Variants in YIPF5 observed in about 807,000 individuals in gnomAD.
The protein encoded by YIPF5 is Yip1 domain family member 5.
YIPF5 carries 8 observed loss-of-function variants against 30.4 expected under a neutral mutation model. The ratio of observed to expected loss-of-function variants is 0.26; its 90% CI spans 0.15 to 0.47. The LOEUF is 0.47. Among genes scored for constraint, YIPF5 ranks in the 20% least tolerant of loss-of-function variants. The probability of loss-of-function intolerance (pLI) is 0.99; values close to 1 mark genes in which losing one functional copy is unlikely to be tolerated. For synonymous variants in YIPF5, 104 were observed against 107.9 expected, an observed-to-expected ratio of 0.96 and a Z score of 0.23; for missense variants, 282 against 301.8, an observed-to-expected ratio of 0.93 and a Z score of 0.49.
chr5:144,164,017 G>C, intron 4 of YIPF5, 94 bp downstream of exon 4: 1 of 1,495,428 alleles, frequency 6.7e-7, no homozygotes, highest in Non-Finnish European at 9.1e-7. Flanking sequence ...GACTTGAGGT[G>C]TAAAGCGGAG....
intron 1 of YIPF5, 180 bp downstream of exon 1, chr5:144,170,355 A>G (rs780629019): frequency 2.5e-5 from 5 of 196,702 alleles, no homozygotes; most frequent in Non-Finnish European, 5.3e-5. Context: ...CTGCCAGGAA[A>G]AAGTGCAGAA....
At position 144,165,588 on chromosome 5, in the gene YIPF5, C is replaced by A; in HGVS notation, c.127G>T (p.Asp43Tyr). ...ACAAATCTGCCTTGCTGCGAATAGTCATAGCCAGCATACTGTCTATAAATG... is the reference window on the plus strand; with the variant it reads ...ACAAATCTGCCTTGCTGCGAATAGTAATAGCCAGCATACTGTCTATAAATG... ...GPYSKQYAGY[D>Y]YSQQGRFVPP... The change falls in exon 3 of 6, where the codon GAC becomes TAC. Residue 43 changes from aspartate (D) to tyrosine (Y), a missense_variant. Coordinates refer to ENST00000274496, the MANE Select transcript of YIPF5 (RefSeq NM_030799.9). The A allele has an allele frequency of 6.2e-7, 1 of 1,614,106 alleles. No homozygotes were observed. The highest frequency in any genetic ancestry group is 1.1e-5 in the South Asian group (1 of 91,082).
Position 144,158,490 on chromosome 5 carries a change from T to C in YIPF5, c.*1907A>G, listed in dbSNP as rs1751933092. The C allele has an allele frequency of 2.4e-6, 3 of 1,247,620 alleles. No individual in the cohort carries two copies. The highest frequency in any genetic ancestry group is 3.1e-6 in the Non-Finnish European group (3 of 975,622). The allele number at this position is 1,247,620 out of a possible 1,614,324, so 77.3% of individuals were successfully genotyped here. On this transcript the variant is annotated 3_prime_UTR_variant, in exon 6 of 6. Transcript: ENST00000274496. ...GTGATATTTGGCTGAAGATTAACAG[T>C]GTTAAGTCTAACCAACAGCGAGATA...
Position 144,159,738 on chromosome 5 carries a change from CCT to C in YIPF5, c.*657_*658del, listed in dbSNP as rs1381687091. 1.3e-5 allele frequency: 12 copies of C among 930,656 alleles called. No homozygotes were observed. The highest frequency in any genetic ancestry group is 1.5e-5 in the Non-Finnish European group (12 of 782,196). The allele number at this position is 930,656 out of a possible 1,614,324, so 57.6% of individuals were successfully genotyped here. On this transcript the variant is annotated 3_prime_UTR_variant, in exon 6 of 6. Transcript: ENST00000274496. Reference sequence around the variant, plus strand: ...TTTTTTTTTTGAGACAGAGTCTCACCCTGTCACCCAGGCTGGATGGAGTGCAG... The same window carrying C: ...TTTTTTTTTTGAGACAGAGTCTCACCGTCACCCAGGCTGGATGGAGTGCAG...
rs914298022 is a variant in YIPF5, at chr5:144,162,312, T to C, written c.517A>G (p.Thr173Ala). ...GCCACACAACCAAATGAAACACCTG[T>C]CATACTCATTAAGTTTAATAAACAA... ...MFCLLNLMSM[T>A]GVSFGCVASV... Residue 173 changes from threonine (T) to alanine (A), a missense_variant, in exon 5 of 6, where the codon ACA becomes GCA. By Grantham distance (58) the Thr-to-Ala change is moderately conservative. Transcript: ENST00000274496. 1 of 1,614,134 alleles carries C rather than the reference T, an allele frequency of 6.2e-7. No individual in the cohort carries two copies. The highest frequency in any genetic ancestry group is 8.5e-7 in the Non-Finnish European group (1 of 1,179,996).
intron 3 of YIPF5, among the ~76,000 whole-genome samples, chr5:144,164,642 C>T (rs1290094669): frequency 1.3e-5 from 2 of 151,702 alleles, no homozygotes; most frequent in African/African-American, 2.4e-5. Context: ...TCAAGAGATC[C>T]TCCAGCCTCA....
Position 144,169,865 on chromosome 5 carries a change from T to C in YIPF5, c.91A>G (p.Ser31Gly). Residue 31 changes from serine (S) to glycine (G), a missense_variant, in exon 2 of 6, where the codon AGT becomes GGT. By Grantham distance (56) the Ser-to-Gly change is moderately conservative (BLOSUM62 0). Transcript: ENST00000274496. ...QSQQSYDYGG[S>G]GGPYSKQYAG... ...AGTTACTTGCTATAGGGTCCTCCAC[T>C]TCCTCCATAATCATAGGACTGCTGT... The C allele has an allele frequency of 1.9e-6, 3 of 1,614,172 alleles. No homozygotes were observed. Among genetic ancestry groups the C allele is most frequent in the Non-Finnish European group, 2.5e-6 (3 of 1,179,996 alleles).
chr5:144,165,445 T>C lies in YIPF5; in HGVS notation c.270A>G (p.Pro90=). ...AACAAATCTTACCTTCTAATAAAGG[T>C]GGCTCATCCTCAAAGTTGTTTCCAT... ...PFYGNNFEDE[P]PLLEELGINF... Residue 90 remains proline, a synonymous_variant, in exon 3 of 6, where the codon CCA becomes CCG. Coordinates refer to ENST00000274496, the MANE Select transcript of YIPF5 (RefSeq NM_030799.9). 1 of 1,614,130 alleles carries C rather than the reference T, an allele frequency of 6.2e-7. No homozygotes were observed. Among genetic ancestry groups the C allele is most frequent in the Non-Finnish European group, 8.5e-7 (1 of 1,179,986 alleles).
At position 144,164,140 on chromosome 5, in the gene YIPF5, A is replaced by C; in HGVS notation, c.400T>G (p.Cys134Gly). The C allele has an allele frequency of 6.2e-7, 1 of 1,613,438 alleles. No individual in the cohort carries two copies. Among genetic ancestry groups the C allele is most frequent in the South Asian group, 1.1e-5 (1 of 90,950 alleles). ...AGCAATGTGGCTCCAAAAGCAAGGC[A>C]AAAAACCATTGGACCTGCCAAATCA... ...ETDLAGPMVF[C>G]LAFGATLLLA... is the part of the protein sequence containing the mutation. The change falls in exon 4 of 6, where the codon TGC becomes GGC. Residue 134 changes from cysteine to glycine, a missense_variant. Cys to Gly is a radical substitution (Grantham distance 159, BLOSUM62 -3). Transcript: ENST00000274496.
intron 1 of YIPF5, 143 bp downstream of exon 1, chr5:144,170,392 G>A (rs1752341150): frequency 5.1e-6 from 1 of 196,624 alleles, no homozygotes; most frequent in Non-Finnish European, 1.1e-5. Context: ...TGAGGTGCAG[G>A]GGACCGCGTC....
chr5:144,167,888 A>G (rs1246919130), intron 2 of YIPF5, among the ~76,000 whole-genome samples: 3 of 151,334 alleles, frequency 2.0e-5, no homozygotes, highest in African/African-American at 7.2e-5. Context: ...AAATCAAACA[A>G]AATATTATTT....
intron 2 of YIPF5, among the ~76,000 whole-genome samples, chr5:144,168,772 T>C (rs1305037000): frequency 1.3e-5 from 2 of 152,216 alleles, no homozygotes; most frequent in Non-Finnish European, 2.9e-5. Flanking sequence ...AGACAGACAC[T>C]ATTACAGAGC....
chr5:144,170,007 G>T lies in YIPF5; in HGVS notation c.-10-42C>A, dbSNP rs750970454. ...ATGGCAAATATTCCTTATGCCCAAG[G>T]TTCTACTGAATTCGTTCCTGGCAGT... On this transcript the variant is annotated intron_variant, in intron 1 of 5. Transcript: ENST00000274496. The T allele has an allele frequency of 6.6e-6, 10 of 1,511,434 alleles. No homozygotes were observed. The East Asian group carries it at 2.0e-4, about 31-fold the overall frequency. 93.6% of individuals were successfully genotyped at this position (1,511,434 alleles called of 1,614,324 possible).
intron 2 of YIPF5, among the ~76,000 whole-genome samples, chr5:144,169,556 T>C (rs1752302131): frequency 6.6e-6 from 1 of 152,222 alleles, no homozygotes; most frequent in Non-Finnish European, 1.5e-5. Context: ...GCTCCCATCA[T>C]CTTCTAAATA....
chr5:144,160,550 T>C lies in YIPF5; in HGVS notation c.621A>G (p.Val207=), dbSNP rs1276956233. 1.9e-6 allele frequency: 3 copies of C among 1,612,524 alleles called. No individual in the cohort carries two copies. The highest frequency in any genetic ancestry group is 2.5e-6 in the Non-Finnish European group (3 of 1,179,490). The change falls in exon 6 of 6, where the codon GTA becomes GTG. Residue 207 remains valine (V), a synonymous_variant. Transcript: ENST00000274496. The part of the protein sequence containing the change: ...FAVIFSLQGM[V]GIILTAGIIG... Reference sequence around the variant, plus strand: ...TAATCCCAGCAGTGAGAATGATTCCTACCATTCCTCTGTAAACAACAAGGA... The same window carrying C: ...TAATCCCAGCAGTGAGAATGATTCCCACCATTCCTCTGTAAACAACAAGGA...
rs750379919 is a variant in YIPF5 at position 144,165,575 on chromosome 5, T to C, written c.140A>G (p.Gln47Arg). Residue 47 changes from glutamine to arginine, a missense_variant, in exon 3 of 6, where the codon CAA (glutamine) becomes CGA (arginine). Coordinates refer to ENST00000274496, the MANE Select transcript of YIPF5 (RefSeq NM_030799.9). ...CATGTCTGGAGGGACAAATCTGCCT[T>C]GCTGCGAATAGTCATAGCCAGCATA... ...KQYAGYDYSQQGRFVPPDMMQ... is the reference protein window; with the variant it reads ...KQYAGYDYSQRGRFVPPDMMQ... 6.2e-7 allele frequency: 1 copy of C among 1,614,074 alleles called. No homozygotes were observed. Among genetic ancestry groups the C allele is most frequent in the Non-Finnish European group, 8.5e-7 (1 of 1,180,038 alleles).
chr5:144,162,455 T>G, intron 4 of YIPF5, 56 bp from the exon 5 acceptor site: 1 of 1,481,550 alleles, frequency 6.7e-7, no homozygotes, highest in Non-Finnish European at 9.2e-7. Context: ...TTTCTGGCCT[T>G]ATTTCACCTG....
chr5:144,159,291 A>C lies in YIPF5; in HGVS notation c.*1106T>G, dbSNP rs1238459494. On this transcript the variant is annotated 3_prime_UTR_variant, in exon 6 of 6. Coordinates refer to ENST00000274496, the MANE Select transcript of YIPF5 (RefSeq NM_030799.9). ...GTTAAAATTAATTGGGAAAGTTTTA[A>C]TAAGCATTCAAATGTACTTTACATT... 1.0e-6 allele frequency: 1 copy of C among 971,110 alleles called. No homozygotes were observed. Among genetic ancestry groups the C allele is most frequent in the African/African-American group, 1.8e-5 (1 of 56,840 alleles). The allele number at this position is 971,110 out of a possible 1,614,324, so 60.2% of individuals were successfully genotyped here. A position where few individuals can be genotyped will look rare whatever the true frequency, so the allele number is the denominator to read the frequency against.
At position 144,160,405 on chromosome 5, in the gene YIPF5, C is replaced by T. The variant is rs147304369; in HGVS notation, c.766G>A (p.Val256Ile). ...LLYGVFALISVF is the reference protein window; with the variant it reads ...LLYGVFALISIF ...ACATCCCAGATAAATTTTCAAAAGA[C>T]GGAAATCAGGGCAAAGACTCCATAT... The change falls in exon 6 of 6, where the codon GTC becomes ATC. Residue 256 changes from valine (V) to isoleucine (I), a missense_variant. Physicochemically the swap from Val to Ile is conservative, Grantham distance 29 (BLOSUM62 3). Transcript: ENST00000274496. 14,443 of 1,611,456 alleles carry T rather than the reference C, an allele frequency of 9.0e-3. 98 individuals carry two copies. The highest frequency in any genetic ancestry group is 0.014 in the Middle Eastern group (84 of 6,050).
Sources: allele counts gnomAD v4.1 joint callset (sites outside exome capture counted in the v4.1 genomes callset), GRCh38; gene constraint gnomAD v4.1.1; transcripts MANE v1.5; gene names NCBI Gene and HGNC (gene_info 2026-07-23, HGNC 2026-07-21).